Variants in CRADD observed in about 807,000 individuals in gnomAD.
The protein encoded by CRADD is death domain-containing protein CRADD.
Under a neutral mutation model 15.5 loss-of-function variants are expected in CRADD, and 9 were observed. That is an observed-to-expected ratio of 0.58 (90% confidence interval 0.35 to 1.01). CRADD has a LOEUF of 1.01. CRADD is among the 50% of genes least tolerant of loss of function. CRADD has a pLI of 0.02. For missense variants in CRADD, 227 were observed against 250.3 expected, an observed-to-expected ratio of 0.91 and a Z score of 0.63; for synonymous variants, 118 against 107.6, an observed-to-expected ratio of 1.10 and a Z score of -0.60.
intron 2 of CRADD, among the ~76,000 whole-genome samples, chr12:93,790,012 C>T (rs1381677950): frequency 2.0e-5 from 3 of 152,096 alleles, no homozygotes; most frequent in Non-Finnish European, 4.4e-5. Flanking sequence ...ACTGTGTGTT[C>T]GTACTGCCTC....
In CRADD at chr12:93,850,115, T is replaced by C. The variant is rs748567376; in HGVS notation, c.444T>C (p.Cys148=). 1.9e-6 allele frequency: 3 copies of C among 1,614,148 alleles called. No homozygotes were observed. The highest frequency in any genetic ancestry group is 1.7e-5 in the Admixed American group (1 of 60,028). The change falls in exon 3 of 3, where the codon TGT becomes TGC. Residue 148 remains cysteine (C), a synonymous_variant. Coordinates refer to ENST00000332896, the MANE Select transcript of CRADD (RefSeq NM_003805.5). The surrounding 1 kb of genome is among the most constrained non-coding windows in gnomAD (Gnocchi z 4.0). ...TGTCCCAGACGGATATCTACCGCTG[T>C]AAGGCCAACCACCCCCACAACGTGC... ...LGLSQTDIYR[C]KANHPHNVQS...
At chr12:93,715,216 G>A (rs760530335) in intron 2 of CRADD, among the ~76,000 whole-genome samples, 1 of 152,276 alleles carries the variant, frequency 6.6e-6, no homozygotes, top group South Asian at 2.1e-4. Flanking sequence ...ATTACTCATA[G>A]GGTAAGAGTG....
chr12:93,858,784 A>G (rs1045702981), intron 2 of CRADD, among the ~76,000 whole-genome samples: 16 of 152,240 alleles, frequency 1.1e-4, no homozygotes, highest in Non-Finnish European at 2.1e-4. Context: ...CTTGGCCATT[A>G]AGAAACTAAG....
At chr12:93,851,681 C>T (rs1367334735), downstream of CRADD, among the ~76,000 whole-genome samples, 2 of 152,170 alleles carry the variant, frequency 1.3e-5, no homozygotes. Flanking sequence ...ACATTTCTTA[C>T]TAAGCTTTAA....
intron 2 of CRADD, among the ~76,000 whole-genome samples, chr12:93,717,066 C>T (rs773207419): frequency 1.3e-5 from 2 of 152,222 alleles, no homozygotes; most frequent in South Asian, 2.1e-4. Flanking sequence ...GGATTGTGAC[C>T]GTCTAATGGG....
chr12:93,820,011 C>T (rs1231323524), intron 2 of CRADD, among the ~76,000 whole-genome samples: 1 of 152,224 alleles, frequency 6.6e-6, no homozygotes, highest in Non-Finnish European at 1.5e-5. Context: ...CCCATGTCTA[C>T]CTGCTCCTCC....
intron 2 of CRADD, among the ~76,000 whole-genome samples, chr12:93,805,624 C>T (rs1438025989): frequency 2.0e-5 from 3 of 151,802 alleles, no homozygotes; most frequent in African/African-American, 4.8e-5. Flanking sequence ...AGCTAACTAA[C>T]GTAGGAAACC....
At chr12:93,866,011 T>C (rs1593052578) in intron 2 of CRADD, among the ~76,000 whole-genome samples, 1 of 152,174 alleles carries the variant, frequency 6.6e-6, no homozygotes, top group Admixed American at 6.5e-5. Context: ...AGAAGATTAA[T>C]GGTCATTCTG....
intron 2 of CRADD, among the ~76,000 whole-genome samples, chr12:93,803,047 A>C (rs1957492451): frequency 6.6e-6 from 1 of 152,210 alleles, no homozygotes; most frequent in South Asian, 2.1e-4. Flanking sequence ...GAGATTGATG[A>C]CCTTTGGAAG....
At position 93,833,350 on chromosome 12, in the gene CRADD, T is replaced by G. The variant is rs569842358; in HGVS notation, c.299-16620T>G. On this transcript the variant is annotated intron_variant, in intron 2 of 2. Transcript: ENST00000332896. ...CAGGCTAAGTTTTTATTTATATTTA[T>G]TTTTTTGAGGTAGGGTCTCCCTGTG... 1.1e-3 allele frequency among the ~76,000 whole-genome samples: 165 copies of G among 152,134 alleles called. 1 individual carries two copies. The highest frequency in any genetic ancestry group is 2.5e-3 in the Admixed American group (38 of 15,268).
chr12:93,889,746 A>G (rs1958563709), intron 2 of CRADD, among the ~76,000 whole-genome samples: 1 of 152,156 alleles, frequency 6.6e-6, no homozygotes, highest in Admixed American at 6.5e-5. Context: ...ATGCAATAAC[A>G]TAGGGATGTG....
intron 2 of CRADD, among the ~76,000 whole-genome samples, chr12:93,885,098 C>T (rs550485222): frequency 1.2e-4 from 19 of 152,262 alleles, no homozygotes; most frequent in African/African-American, 3.6e-4. Flanking sequence ...ATTGTCTTCC[C>T]TGTTTTTCGT....
intron 2 of CRADD, among the ~76,000 whole-genome samples, chr12:93,746,797 TGAA>T (rs1565898982): frequency 1.4e-4 from 21 of 151,936 alleles, no homozygotes; most frequent in African/African-American, 5.1e-4. Flanking sequence ...TTTTTTTTTT[TGAA>T]GAAGGAAAGA....
At chr12:93,728,581 GAA>G (rs1214060676) in intron 2 of CRADD, among the ~76,000 whole-genome samples, 1 of 152,014 alleles carries the variant, frequency 6.6e-6, no homozygotes, top group African/African-American at 2.4e-5. Context: ...AGTGAAGAAT[GAA>G]AAAGAGGGGA....
chr12:93,788,068 G>A (rs10859584), intron 2 of CRADD, among the ~76,000 whole-genome samples: 15,600 of 152,114 alleles, frequency 0.1, 1,077 homozygotes, highest in African/African-American at 0.18. Context: ...ATGTGTGTAC[G>A]CTCTGGAGGA....
At chr12:93,736,581 T>C (rs1956574186) in intron 2 of CRADD, among the ~76,000 whole-genome samples, 1 of 152,340 alleles carries the variant, frequency 6.6e-6, no homozygotes, top group African/African-American at 2.4e-5. Flanking sequence ...ATGATAAATG[T>C]TGGTAAATCC....
At chr12:93,853,875 C>G (rs1456380633), downstream of CRADD, among the ~76,000 whole-genome samples, 2 of 152,156 alleles carry the variant, frequency 1.3e-5, no homozygotes, top group Non-Finnish European at 2.9e-5. Context: ...TGTGTGGATG[C>G]GCCGTCATGT....
At chr12:93,793,575 A>T (rs61929030) in intron 2 of CRADD, among the ~76,000 whole-genome samples, 13,309 of 152,224 alleles carry the variant, frequency 0.087, 891 homozygotes, top group African/African-American at 0.19. Flanking sequence ...GCACTGTATA[A>T]CAGGGTTTTC....
intron 2 of CRADD, among the ~76,000 whole-genome samples, chr12:93,857,592 G>GT (rs1247991386): frequency 6.6e-6 from 1 of 152,206 alleles, no homozygotes; most frequent in Non-Finnish European, 1.5e-5. Context: ...TGCTACATGG[G>GT]AATACCTGAG....
Sources: gnomAD v4.1 joint callset for allele counts (sites outside exome capture counted in the v4.1 genomes callset) on GRCh38, gnomAD v4.1.1 for gene constraint, Gnocchi (gnomAD v3.1) non-coding constraint, MANE v1.5 for transcripts, NCBI Gene and HGNC (gene_info 2026-07-23, HGNC 2026-07-21) for gene names.